CTIF: variants seen among roughly 807,000 people sequenced by gnomAD.
CTIF encodes the protein CBP80/20-dependent translation initiation factor.
CTIF carries 21 observed loss-of-function variants against 66.0 expected under a neutral mutation model. That is an observed-to-expected ratio of 0.32 (90% CI 0.23 to 0.46). The LOEUF is 0.46. CTIF is among the 20% of genes least tolerant of loss of function. The pLI, the probability that CTIF is intolerant of heterozygous loss-of-function variation, is 1.00. For missense variants in CTIF, 739 were observed against 812.7 expected (o/e 0.91, Z 1.10); for synonymous variants, 345 against 326.4 (o/e 1.06, Z -0.62).
intron 3 of CTIF, among the ~76,000 whole-genome samples, chr18:48,649,600 G>C (rs1264261306): frequency 6.6e-6 from 1 of 152,326 alleles, no homozygotes; most frequent in East Asian, 1.9e-4. Flanking sequence ...AGAGAGCAGT[G>C]GTTCTCCCAG....
chr18:48,730,300 A>AGGGGCTTCTGC, intron 7 of CTIF, among the ~76,000 whole-genome samples: 1 of 65,768 alleles, frequency 1.5e-5, no homozygotes, highest in South Asian at 5.6e-4. Flanking sequence ...GGGGCCCCTG[A>AGGGGCTTCTGC]GGTGTGAGGG....
At chr18:48,582,358 G>A (rs1279553488) in intron 1 of CTIF, among the ~76,000 whole-genome samples, 1 of 152,098 alleles carries the variant, frequency 6.6e-6, no homozygotes. Flanking sequence ...GGGAGAGGGA[G>A]ACATTTTCAT....
intron 3 of CTIF, among the ~76,000 whole-genome samples, chr18:48,656,520 C>G (rs1392506801): frequency 6.6e-6 from 1 of 152,148 alleles, no homozygotes; most frequent in East Asian, 1.9e-4. Context: ...AGTCTGACCT[C>G]CCCTGAGCTG....
intron 9 of CTIF, among the ~76,000 whole-genome samples, chr18:48,797,145 T>C (rs887532854): frequency 9.9e-5 from 15 of 152,254 alleles, no homozygotes; most frequent in Non-Finnish European, 2.1e-4. Context: ...CTAATTTTTC[T>C]CCCTTCAAAT....
rs930553798 is a variant in CTIF at position 48,636,040 on chromosome 18, G to A, written c.181-574G>A. On this transcript the variant is annotated intron_variant, in intron 2 of 11. Transcript: ENST00000256413. ...CATGTTGCAGACTCTGGGGACTCTC[G>A]TGCAGATGGTTGTCAGACCACACTT... Among the ~76,000 whole-genome samples the A allele has an allele frequency of 5.9e-5, 9 of 152,192 alleles. No homozygotes were observed. In the South Asian group the frequency reaches 1.2e-3, roughly 21 times the overall value.
At chr18:48,698,309 G>A (rs1157751404) in intron 6 of CTIF, among the ~76,000 whole-genome samples, 8 of 151,966 alleles carry the variant, frequency 5.3e-5, no homozygotes, top group East Asian at 3.9e-4. Flanking sequence ...GAGATGCCCC[G>A]GCTGCATGCC....
At chr18:48,647,445 G>C (rs546044633) in intron 3 of CTIF, among the ~76,000 whole-genome samples, 1 of 152,154 alleles carries the variant, frequency 6.6e-6, no homozygotes, top group Non-Finnish European at 1.5e-5. Context: ...GGGAAGGATC[G>C]TATTAAGAGG....
chr18:48,749,501 C>T (rs1907588223), intron 7 of CTIF, among the ~76,000 whole-genome samples: 2 of 152,160 alleles, frequency 1.3e-5, no homozygotes, highest in African/African-American at 4.8e-5. Context: ...TGAAACAGCC[C>T]CTGTCTTCCC....
chr18:48,685,622 A>C (rs767410223), intron 6 of CTIF, among the ~76,000 whole-genome samples: 1 of 152,160 alleles, frequency 6.6e-6, no homozygotes, highest in Non-Finnish European at 1.5e-5. Flanking sequence ...GTTGACATTG[A>C]CCAACTGGTT....
At chr18:48,726,823 C>A (rs2092390924) in intron 7 of CTIF, among the ~76,000 whole-genome samples, 1 of 152,110 alleles carries the variant, frequency 6.6e-6, no homozygotes, top group African/African-American at 2.4e-5. Flanking sequence ...GTGGGGATCA[C>A]TGGGGACAAT....
chr18:48,702,876 C>T (rs904828217), intron 6 of CTIF, among the ~76,000 whole-genome samples: 2 of 151,410 alleles, frequency 1.3e-5, no homozygotes, highest in Non-Finnish European at 1.5e-5. Flanking sequence ...ACATCCTGCC[C>T]ACGTGGAGAG....
chr18:48,541,776 C>G (rs116063869), intron 1 of CTIF, among the ~76,000 whole-genome samples: 2,753 of 152,236 alleles, frequency 0.018, 81 homozygotes, highest in African/African-American at 0.061. Flanking sequence ...TGATTAACAG[C>G]TTGCTAGAAT....
At chr18:48,568,046 A>G (rs543109709) in intron 1 of CTIF, 1 of 152,338 alleles carries the variant, frequency 6.6e-6, no homozygotes, top group Admixed American at 6.5e-5. Context: ...CTCATCTACA[A>G]AATGAAAATA....
At chr18:48,578,620 G>A (rs2143771322) in intron 1 of CTIF, among the ~76,000 whole-genome samples, 1 of 152,256 alleles carries the variant, frequency 6.6e-6, no homozygotes, top group African/African-American at 2.4e-5. Flanking sequence ...TAAAAGCTCA[G>A]GTTTAGATGT....
chr18:48,551,802 CTTTT>C (rs201914756), intron 1 of CTIF, among the ~76,000 whole-genome samples: 1 of 143,826 alleles, frequency 7.0e-6, no homozygotes, highest in Non-Finnish European at 1.5e-5. Context: ...CTTTCTTTTT[CTTTT>C]TTTTTTTTGG....
chr18:48,547,254 G>A lies in CTIF; in HGVS notation c.-29+7942G>A, dbSNP rs188968877. On this transcript the variant is annotated intron_variant, in intron 1 of 11. Coordinates refer to ENST00000256413, the MANE Select transcript of CTIF (RefSeq NM_014772.3). The stretch of plus-strand genomic sequence containing the variant: ...CATCTCTTAGGAAAAAACTTCAGAT[G>A]AGCCCCGTCTAGGAAGCCCAGAACA... Among the ~76,000 whole-genome samples the A allele has an allele frequency of 8.5e-5, 13 of 152,232 alleles. No individual in the cohort carries two copies. The East Asian group carries it at 1.9e-3, about 23-fold the overall frequency.
intron 1 of CTIF, among the ~76,000 whole-genome samples, chr18:48,542,799 TA>T (rs2145462005): frequency 6.6e-6 from 1 of 152,378 alleles, no homozygotes; most frequent in Non-Finnish European, 1.5e-5. Flanking sequence ...ATAGCCTTGT[TA>T]CCCTGAACTT....
At chr18:48,737,968 A>C (rs2145721047) in intron 7 of CTIF, among the ~76,000 whole-genome samples, 1 of 152,352 alleles carries the variant, frequency 6.6e-6, no homozygotes, top group Non-Finnish European at 1.5e-5. Context: ...AGGGTCCCCC[A>C]GCCTTCTCAA....
At chr18:48,806,255 C>G (rs980984532) in intron 9 of CTIF, among the ~76,000 whole-genome samples, 1 of 152,190 alleles carries the variant, frequency 6.6e-6, no homozygotes, top group Non-Finnish European at 1.5e-5. Context: ...GTTTTTTAAG[C>G]CATGCAACCA....
Sources: gnomAD v4.1 joint callset for allele counts (sites outside exome capture counted in the v4.1 genomes callset) on GRCh38, gnomAD v4.1.1 for gene constraint, MANE v1.5 for transcripts, NCBI Gene and HGNC (gene_info 2026-07-23, HGNC 2026-07-21) for gene names.